Variants in SEMA6D observed in about 807,000 individuals in gnomAD.
The protein encoded by SEMA6D is semaphorin-6D.
A neutral mutation model predicts 106.6 loss-of-function variants in SEMA6D; 35 were observed. The ratio of observed to expected loss-of-function variants is 0.33; its 90% CI spans 0.25 to 0.44. SEMA6D has a LOEUF of 0.44. Among genes scored for constraint, SEMA6D ranks in the 20% least tolerant of loss-of-function variants. The pLI is 1.00. For synonymous variants in SEMA6D, 499 were observed against 487.7 expected, an observed-to-expected ratio of 1.02 and a Z score of -0.31; for missense variants, 1,185 against 1,345.9, an observed-to-expected ratio of 0.88 and a Z score of 1.87.
At chr15:47,503,662 C>G (rs1478167263) in intron 3 of SEMA6D, among the ~76,000 whole-genome samples, 1 of 150,316 alleles carries the variant, frequency 6.7e-6, no homozygotes, top group African/African-American at 2.5e-5. Context: ...TGTCTGTGCA[C>G]ATGCAGGGGT....
chr15:47,598,644 T>A (rs1447268013), intron 3 of SEMA6D, among the ~76,000 whole-genome samples: 5 of 152,130 alleles, frequency 3.3e-5, no homozygotes, highest in Admixed American at 2.6e-4. Flanking sequence ...TGGGCTACAT[T>A]TTTTAAAAGT....
At chr15:47,367,676 A>ATG (rs1555428916) in intron 1 of SEMA6D, among the ~76,000 whole-genome samples, 4 of 82,784 alleles carry the variant, frequency 4.8e-5, no homozygotes, top group Admixed American at 2.8e-4. Context: ...ACGCACGCTC[A>ATG]CACGCGCGCG....
At chr15:47,769,772 T>C (rs2082533129) in intron 18 of SEMA6D, among the ~76,000 whole-genome samples, 1 of 152,210 alleles carries the variant, frequency 6.6e-6, no homozygotes, top group Non-Finnish European at 1.5e-5. Flanking sequence ...TAAACTAATT[T>C]GCTCTTCTTT....
intron 4 of SEMA6D, among the ~76,000 whole-genome samples, chr15:47,694,072 C>T (rs754020016): frequency 1.3e-5 from 2 of 152,242 alleles, no homozygotes; most frequent in Non-Finnish European, 2.9e-5. Flanking sequence ...CAAAGAGTAG[C>T]TCCCAAACTA....
chr15:47,392,142 CAT>C (rs1160055368), intron 1 of SEMA6D, among the ~76,000 whole-genome samples: 1 of 152,124 alleles, frequency 6.6e-6, no homozygotes, highest in African/African-American at 2.4e-5. Flanking sequence ...TCATCTGAAA[CAT>C]AGGGCACAGA....
At chr15:47,233,570 G>T (rs1451631407) in intron 1 of SEMA6D, among the ~76,000 whole-genome samples, 1 of 151,982 alleles carries the variant, frequency 6.6e-6, no homozygotes, top group Non-Finnish European at 1.5e-5. Flanking sequence ...AATATGGGAT[G>T]TCTTTCCATT....
At chr15:47,277,026 T>C (rs1329107993) in intron 1 of SEMA6D, among the ~76,000 whole-genome samples, 3 of 152,092 alleles carry the variant, frequency 2.0e-5, no homozygotes, top group Non-Finnish European at 4.4e-5. Flanking sequence ...TAACTGTAGA[T>C]GTGGTGGATA....
chr15:47,766,763 T>A, intron 16 of SEMA6D, 86 bp downstream of exon 16: 1 of 952,284 alleles, frequency 1.1e-6, no homozygotes, highest in Non-Finnish European at 1.7e-6. Context: ...GTCTTTTTAA[T>A]GACTCAGGAC....
intron 1 of SEMA6D, among the ~76,000 whole-genome samples, chr15:47,759,253 A>G (rs2081935699): frequency 6.6e-6 from 1 of 152,156 alleles, no homozygotes; most frequent in South Asian, 2.1e-4. Flanking sequence ...GGAATTTGGC[A>G]ACACCATAAG....
Position 47,475,894 on chromosome 15 carries a change from G to T in SEMA6D, c.-87+5349G>T, listed in dbSNP as rs569521407. The stretch of plus-strand genomic sequence containing the variant: ...TGTATTATTTTATTAAACAGCCCTG[G>T]CTAAAGATCAGAAAGAATACATGAG... On this transcript the variant is annotated intron_variant, in intron 3 of 19. Coordinates refer to the SEMA6D transcript ENST00000558014. 2.0e-5 allele frequency among the ~76,000 whole-genome samples: 3 copies of T among 152,230 alleles called. No individual in the cohort carries two copies. In the South Asian group the frequency reaches 6.2e-4, roughly 32 times the overall value.
chr15:47,413,992 G>A (rs1417076164), intron 2 of SEMA6D, among the ~76,000 whole-genome samples: 1 of 150,028 alleles, frequency 6.7e-6, no homozygotes, highest in Non-Finnish European at 1.5e-5. Flanking sequence ...TTCTCAAATT[G>A]CCTTGCTGCT....
chr15:47,603,699 ATTATTC>A (rs1283112417), intron 4 of SEMA6D, among the ~76,000 whole-genome samples: 3 of 151,976 alleles, frequency 2.0e-5, no homozygotes. Context: ...ATATATAATT[ATTATTC>A]TTATTAAGTC....
Position 47,601,483 on chromosome 15 carries a change from T to G in SEMA6D, c.-55+587T>G, listed in dbSNP as rs1385192166. On this transcript the variant is annotated intron_variant, in intron 4 of 19. Transcript: ENST00000558014. ...CATTAGAAAATCAGAATGCATTTGA[T>G]GTGCACCATCTGGTTTGTGAATACA... 2.6e-5 allele frequency among the ~76,000 whole-genome samples: 4 copies of G among 152,244 alleles called. No individual in the cohort carries two copies. The East Asian group carries it at 7.7e-4, about 29-fold the overall frequency.
intron 3 of SEMA6D, among the ~76,000 whole-genome samples, chr15:47,572,702 A>G (rs1415433625): frequency 1.3e-5 from 2 of 152,260 alleles, no homozygotes; most frequent in East Asian, 3.8e-4. Flanking sequence ...CAATACAAGA[A>G]AAATACAAAC....
intron 1 of SEMA6D, among the ~76,000 whole-genome samples, chr15:47,211,581 T>C (rs552591628): frequency 6.6e-6 from 1 of 152,280 alleles, no homozygotes; most frequent in East Asian, 1.9e-4. Flanking sequence ...TAAATAATAA[T>C]TAGACACTAT....
chr15:47,278,572 A>G lies in SEMA6D; in HGVS notation c.-239+94154A>G, dbSNP rs2034949985. On this transcript the variant is annotated intron_variant, in intron 1 of 19. Transcript: ENST00000558014. Reference sequence around the variant, plus strand: ...CTCCCATTTTGTAGGTTGCCTGTTCAATCTGATGGTAGTTTCTTTTGCTGT... The same window carrying G: ...CTCCCATTTTGTAGGTTGCCTGTTCGATCTGATGGTAGTTTCTTTTGCTGT... Among the ~76,000 whole-genome samples the G allele has an allele frequency of 2.0e-5, 3 of 152,122 alleles. No individual in the cohort carries two copies. The South Asian group carries it at 6.2e-4, about 32-fold the overall frequency.
intron 1 of SEMA6D, among the ~76,000 whole-genome samples, chr15:47,408,001 A>T (rs1456184223): frequency 3.3e-5 from 5 of 152,192 alleles, no homozygotes; most frequent in Admixed American, 3.3e-4. Flanking sequence ...GTTGGGCCTC[A>T]GAAGGAGGGC....
chr15:47,739,591 C>T (rs904654325), intron 1 of SEMA6D, among the ~76,000 whole-genome samples: 4 of 152,168 alleles, frequency 2.6e-5, no homozygotes, highest in African/African-American at 9.7e-5. Context: ...TGTACACTGG[C>T]AAGATGCTTA....
chr15:47,497,269 A>G (rs2043697806), intron 3 of SEMA6D, among the ~76,000 whole-genome samples: 1 of 151,924 alleles, frequency 6.6e-6, no homozygotes, highest in Non-Finnish European at 1.5e-5. Flanking sequence ...CATTTTCCAT[A>G]TAATTTTTAG....
Sources: gnomAD v4.1 joint callset for allele counts (sites outside exome capture counted in the v4.1 genomes callset) on GRCh38, gnomAD v4.1.1 for gene constraint, MANE v1.5 for transcripts, NCBI Gene and HGNC (gene_info 2026-07-23, HGNC 2026-07-21) for gene names.